The following ANKFN1 variants were observed in gnomAD, a reference collection of about 807,000 sequenced individuals.
The protein encoded by ANKFN1 is ankyrin repeat and fibronectin type-III domain-containing protein 1.
A neutral mutation model predicts 108.7 loss-of-function variants in ANKFN1; 74 were observed. The observed-to-expected ratio is 0.68, with a 90% CI of 0.56 to 0.83. The LOEUF is 0.83. Among genes scored for constraint, ANKFN1 ranks in the 40% least tolerant of loss-of-function variants. ANKFN1 has a pLI of 0.00. For missense variants in ANKFN1, 1,505 were observed against 1,382.3 expected, an observed-to-expected ratio of 1.09 and a Z score of -1.41; for synonymous variants, 547 against 516.2, an observed-to-expected ratio of 1.06 and a Z score of -0.81.
In ANKFN1 at chr17:56,073,485, C is replaced by T. The variant is rs995279990; in HGVS notation, c.288+27160C>T. 2.0e-5 allele frequency among the ~76,000 whole-genome samples: 3 copies of T among 152,166 alleles called. No homozygotes were observed. In the East Asian group the frequency reaches 5.8e-4, roughly 29 times the overall value. On this transcript the variant is annotated intron_variant, in intron 4 of 12. Transcript: ENST00000635860. ...TATATTTTATGCATTTCAAAGGAAG[C>T]AGCAGACTTTTAGTAGTGTTTTTCT...
intron 8 of ANKFN1, among the ~76,000 whole-genome samples, chr17:56,418,687 G>T (rs1472964599): frequency 6.6e-6 from 1 of 151,972 alleles, no homozygotes; most frequent in Non-Finnish European, 1.5e-5. Flanking sequence ...ACCCAGAAAG[G>T]TGAAGGGACT....
At chr17:56,071,903 G>T (rs566612401) in intron 4 of ANKFN1, among the ~76,000 whole-genome samples, 138 of 152,328 alleles carry the variant, frequency 9.1e-4, no homozygotes, top group Non-Finnish European at 1.6e-3. Flanking sequence ...ATTCACAGTG[G>T]TCCCTAGCCA....
chr17:56,283,555 G>A (rs937052426), intron 3 of ANKFN1, among the ~76,000 whole-genome samples: 3 of 143,404 alleles, frequency 2.1e-5, no homozygotes, highest in African/African-American at 5.9e-5. Flanking sequence ...ATACTACTCA[G>A]CCATAAAAAG....
At chr17:56,474,854 T>A (rs1163316012) in intron 15 of ANKFN1, among the ~76,000 whole-genome samples, 2 of 152,208 alleles carry the variant, frequency 1.3e-5, no homozygotes, top group Non-Finnish European at 2.9e-5. Flanking sequence ...CATTAAAAAG[T>A]TCAGCCTTAT....
chr17:56,290,574 C>T (rs942888724), intron 3 of ANKFN1, among the ~76,000 whole-genome samples: 2 of 152,074 alleles, frequency 1.3e-5, no homozygotes, highest in African/African-American at 4.8e-5. Context: ...AGGGCATTCT[C>T]CCCCACCATC....
intron 1 of ANKFN1, among the ~76,000 whole-genome samples, chr17:56,164,895 G>A (rs1007464457): frequency 6.6e-6 from 1 of 152,170 alleles, no homozygotes; most frequent in Non-Finnish European, 1.5e-5. Flanking sequence ...AGAAGAAATG[G>A]TAGTATACAC....
intron 4 of ANKFN1, among the ~76,000 whole-genome samples, chr17:56,085,354 G>T (rs1380771364): frequency 6.6e-6 from 1 of 150,694 alleles, no homozygotes; most frequent in Non-Finnish European, 1.5e-5. Flanking sequence ...GACACGCAGA[G>T]GAGAGAACAA....
At chr17:56,462,671 A>C (rs753738876) in intron 14 of ANKFN1, among the ~76,000 whole-genome samples, 1 of 152,222 alleles carries the variant, frequency 6.6e-6, no homozygotes, top group Non-Finnish European at 1.5e-5. Context: ...GGCATCAACC[A>C]TAAATAAATT....
At chr17:56,417,496 C>G (rs1037861052) in intron 8 of ANKFN1, among the ~76,000 whole-genome samples, 10 of 152,210 alleles carry the variant, frequency 6.6e-5, no homozygotes, top group Non-Finnish European at 2.9e-5. Context: ...ACTATATAGT[C>G]AGGCACTATA....
intron 4 of ANKFN1, among the ~76,000 whole-genome samples, chr17:56,089,262 A>T (rs1905371133): frequency 6.6e-6 from 1 of 151,372 alleles, no homozygotes; most frequent in Non-Finnish European, 1.5e-5. Flanking sequence ...ATGTCTGCAT[A>T]ATACTCCATC....
intron 4 of ANKFN1, among the ~76,000 whole-genome samples, chr17:56,335,595 T>A (rs1191134868): frequency 6.6e-6 from 1 of 152,228 alleles, no homozygotes. Flanking sequence ...AAGTTGCTTA[T>A]CAGCTTAAGG....
At chr17:56,218,516 A>G (rs1298943335) in intron 2 of ANKFN1, among the ~76,000 whole-genome samples, 1 of 151,836 alleles carries the variant, frequency 6.6e-6, no homozygotes, top group Non-Finnish European at 1.5e-5. Context: ...TTTTTGAGCT[A>G]CTTTGTACTT....
intron 4 of ANKFN1, among the ~76,000 whole-genome samples, chr17:56,124,385 C>T (rs1906802345): frequency 6.6e-6 from 1 of 152,158 alleles, no homozygotes; most frequent in South Asian, 2.1e-4. Context: ...TGTTATACGC[C>T]ACTGTAGCAT....
intron 8 of ANKFN1, among the ~76,000 whole-genome samples, chr17:56,396,292 A>G (rs1434094828): frequency 6.6e-6 from 1 of 152,222 alleles, no homozygotes. Context: ...TACTAAAAAT[A>G]CAAAAATTAA....
At position 56,513,111 on chromosome 17, in the gene ANKFN1, C is replaced by T. The variant is rs550119848; in HGVS notation, c.*1842C>T. On this transcript the variant is annotated 3_prime_UTR_variant, in exon 21 of 21. Coordinates refer to ENST00000682825, the MANE Select transcript of ANKFN1 (RefSeq NM_001370326.1). ...AGGTTAAGTAACATGCTCAAGGTCA[C>T]GGAGCTGGTTTAGTCTCAGAGTTAG... Among the ~76,000 whole-genome samples the T allele has an allele frequency of 1.3e-5, 2 of 152,190 alleles. No individual in the cohort carries two copies. The highest frequency in any genetic ancestry group is 1.3e-4 in the Admixed American group (2 of 15,282).
intron 3 of ANKFN1, among the ~76,000 whole-genome samples, chr17:56,280,008 C>CTTTTTTT (rs3086033): frequency 1.3e-4 from 18 of 134,860 alleles, no homozygotes; most frequent in African/African-American, 5.0e-4. Context: ...CACATAATGT[C>CTTTTTTT]TTTTTTTTTT....
upstream of ANKFN1, chr17:56,153,390 C>A: frequency 7.9e-7 from 1 of 1,271,806 alleles, no homozygotes. Flanking sequence ...CAGCCATGCT[C>A]AGTCTCCCTG....
chr17:56,409,329 T>A (rs578188397), intron 8 of ANKFN1, among the ~76,000 whole-genome samples: 15 of 152,180 alleles, frequency 9.9e-5, no homozygotes, highest in Non-Finnish European at 1.9e-4. Flanking sequence ...CTGGGACTGT[T>A]TGCACTTACA....
intron 3 of ANKFN1, among the ~76,000 whole-genome samples, chr17:56,277,834 A>T (rs914008944): frequency 6.6e-6 from 1 of 152,196 alleles, no homozygotes; most frequent in Non-Finnish European, 1.5e-5. Context: ...GTATATGTTT[A>T]TGTAGGAGAA....
Sources: gnomAD v4.1 joint callset for allele counts (sites outside exome capture counted in the v4.1 genomes callset) on GRCh38, gnomAD v4.1.1 for gene constraint, MANE v1.5 for transcripts, NCBI Gene and HGNC (gene_info 2026-07-23, HGNC 2026-07-21) for gene names.